Variants in ATG13 observed in about 807,000 individuals in gnomAD.
The protein encoded by ATG13 is autophagy-related protein 13.
Under a neutral mutation model 65.5 loss-of-function variants are expected in ATG13, and 23 were observed. The observed-to-expected ratio is 0.35, with a 90% CI of 0.25 to 0.50. ATG13 has a LOEUF of 0.50. ATG13 is among the 20% of genes least tolerant of loss of function. The pLI is 0.98. For synonymous variants in ATG13, 252 were observed against 245.2 expected, an observed-to-expected ratio of 1.03 and a Z score of -0.26; for missense variants, 566 against 677.0, an observed-to-expected ratio of 0.84 and a Z score of 1.82.
At chr11:46,661,682 A>G (rs895910386) in intron 11 of ATG13, among the ~76,000 whole-genome samples, 3 of 151,650 alleles carry the variant, frequency 2.0e-5, no homozygotes, top group African/African-American at 7.3e-5. Context: ...AAATAAAAAA[A>G]TTAGCGGGTG....
chr11:46,648,967 A>C lies in ATG13; in HGVS notation c.271-170A>C, dbSNP rs1026758816. On this transcript the variant is annotated intron_variant, in intron 5 of 18. Transcript: ENST00000683050. ...AGAAAAAACAAGTCATCAAAATAGCATATAGACTGTGATTGCCCTTTTATT... is the reference window on the plus strand; with the variant it reads ...AGAAAAAACAAGTCATCAAAATAGCCTATAGACTGTGATTGCCCTTTTATT... The C allele has an allele frequency of 5.9e-6, 3 of 504,206 alleles. No homozygotes were observed. The Admixed American group carries it at 1.1e-4, about 19-fold the overall frequency. 31.2% of individuals were successfully genotyped at this position (504,206 alleles called of 1,614,324 possible).
Position 46,645,878 on chromosome 11 carries a change from A to C in ATG13, c.159A>C (p.Leu53Phe). The change falls in exon 5 of 19, where the codon TTA becomes TTC. Residue 53 changes from leucine (L) to phenylalanine (F), a missense_variant. Physicochemically the swap from Leu to Phe is conservative, Grantham distance 22. Coordinates refer to ENST00000683050, the MANE Select transcript of ATG13 (RefSeq NM_001346311.2). ...TCCCTTTTGTTTTCCAGTTCAACTT[A>C]GCAATCAAAGACATCCCAGAGGTTA... Reference protein sequence around the residue: ...SSPTGSDWFNLAIKDIPEVTH... With the variant: ...SSPTGSDWFNFAIKDIPEVTH... The C allele has an allele frequency of 6.2e-7, 1 of 1,614,100 alleles. No individual in the cohort carries two copies. The highest frequency in any genetic ancestry group is 8.5e-7 in the Non-Finnish European group (1 of 1,179,974).
At chr11:46,650,894 G>C (rs2058756700) in intron 7 of ATG13, among the ~76,000 whole-genome samples, 1 of 152,138 alleles carries the variant, frequency 6.6e-6, no homozygotes, top group African/African-American at 2.4e-5. Context: ...GTGAGCCACG[G>C]CACCCGGCCT....
chr11:46,642,392 G>T (rs936398063), intron 2 of ATG13, among the ~76,000 whole-genome samples: 1 of 136,464 alleles, frequency 7.3e-6, no homozygotes, highest in Non-Finnish European at 1.5e-5. Context: ...TGCAACCTCT[G>T]CCTTCTGGGT....
At chr11:46,645,237 T>G (rs2057218089) in intron 3 of ATG13, 102 bp from the exon 4 acceptor site, 1 of 963,778 alleles carries the variant, frequency 1.0e-6, no homozygotes, top group South Asian at 1.6e-5. Flanking sequence ...ATTGGCATCT[T>G]TTAAACTCTG....
chr11:46,672,268 A>C lies in ATG13; in HGVS notation c.1589A>C (p.Glu530Ala). 1 of 1,614,230 alleles carries C rather than the reference A, an allele frequency of 6.2e-7. No homozygotes were observed. ...TTTCCGGTACAGGACTCATTACCAGAGAAGCTGGCTGTGCATGAGAAGAAT... is the reference window on the plus strand; with the variant it reads ...TTTCCGGTACAGGACTCATTACCAGCGAAGCTGGCTGTGCATGAGAAGAAT... ...SMAEDLDSLPEKLAVHEKNVR... is the reference protein window; with the variant it reads ...SMAEDLDSLPAKLAVHEKNVR... The change falls in exon 19 of 19, where the codon GAG (glutamate) becomes GCG (alanine). Residue 530 changes from glutamate (E) to alanine (A), a missense_variant. Glu to Ala is a moderately radical substitution (Grantham distance 107). Transcript: ENST00000683050.
intron 18 of ATG13, among the ~76,000 whole-genome samples, chr11:46,671,031 T>C (rs1201845020): frequency 6.6e-6 from 1 of 152,132 alleles, no homozygotes; most frequent in Non-Finnish European, 1.5e-5. Flanking sequence ...AATTTAGCCT[T>C]TTAACCACTA....
At position 46,644,160 on chromosome 11, in the gene ATG13, T is replaced by C. The variant is rs2056915949; in HGVS notation, c.-13-119T>C. The C allele has an allele frequency of 4.5e-6, 3 of 671,398 alleles. No homozygotes were observed. The African/African-American group carries it at 5.6e-5, about 12-fold the overall frequency. The allele number at this position is 671,398 out of a possible 1,614,324, so 41.6% of individuals were successfully genotyped here. ...GTATCTTTAGTTAAAGGAAATTTTT[T>C]TCCTCCCACTCCCACATGATTATTC... On this transcript the variant is annotated intron_variant, in intron 2 of 18. Transcript: ENST00000683050.
At chr11:46,623,707 C>T (rs532490118) in intron 1 of ATG13, among the ~76,000 whole-genome samples, 1 of 152,092 alleles carries the variant, frequency 6.6e-6, no homozygotes, top group Admixed American at 6.6e-5. Context: ...GGATTACAGG[C>T]CTGAGCCACC....
At chr11:46,663,778 A>G (rs1055541584) in intron 11 of ATG13, among the ~76,000 whole-genome samples, 4 of 152,144 alleles carry the variant, frequency 2.6e-5, no homozygotes, top group African/African-American at 7.2e-5. Context: ...ACAGGCATAC[A>G]TGGAATGCCC....
intron 13 of ATG13, among the ~76,000 whole-genome samples, 178 bp from the exon 14 acceptor site, chr11:46,665,205 C>T (rs2062030340): frequency 6.6e-6 from 1 of 152,170 alleles, no homozygotes. Flanking sequence ...TAGTCATTAC[C>T]GTGCATTTCT....
Position 46,656,284 on chromosome 11 carries a change from A to G in ATG13, c.499+11A>G, listed in dbSNP as rs2060029685. On this transcript the variant is annotated intron_variant, in intron 8 of 18. Coordinates refer to ENST00000683050, the MANE Select transcript of ATG13 (RefSeq NM_001346311.2). ...GTGGCTTAGGAGAAGGTATGTATCA[A>G]CGGTTGAAAAACATCGTAGTGTTCA... The G allele has an allele frequency of 5.0e-6, 8 of 1,609,258 alleles. No individual in the cohort carries two copies. Among genetic ancestry groups the G allele is most frequent in the Admixed American group, 1.7e-5 (1 of 59,996 alleles).
intron 5 of ATG13, 105 bp from the exon 6 acceptor site, chr11:46,649,029 ATTC>A: frequency 1.0e-5 from 9 of 887,534 alleles, no homozygotes; most frequent in Non-Finnish European, 1.3e-5. Flanking sequence ...GTTGATATCT[ATTC>A]TTTTTTTTTT....
intron 7 of ATG13, among the ~76,000 whole-genome samples, chr11:46,653,794 C>T (rs979112761): frequency 6.6e-6 from 1 of 151,960 alleles, no homozygotes; most frequent in African/African-American, 2.4e-5. Flanking sequence ...TGGTCTCGAT[C>T]TCCTGACCTC....
intron 14 of ATG13, among the ~76,000 whole-genome samples, chr11:46,666,905 T>G (rs1415603014): frequency 6.6e-6 from 1 of 152,120 alleles, no homozygotes; most frequent in Non-Finnish European, 1.5e-5. Flanking sequence ...AGGAGTCATT[T>G]AGGAAGGTTT....
At chr11:46,621,326 A>G (rs2047437071) in intron 1 of ATG13, among the ~76,000 whole-genome samples, 1 of 152,096 alleles carries the variant, frequency 6.6e-6, no homozygotes, top group Non-Finnish European at 1.5e-5. Context: ...TTTGTTTATT[A>G]TTTTGAGTTG....
intron 1 of ATG13, chr11:46,621,068 G>A (rs1051094147): frequency 6.6e-6 from 1 of 151,766 alleles, no homozygotes; most frequent in East Asian, 1.9e-4. Flanking sequence ...AGGCTGGAGT[G>A]TAGTGGTGTG....
chr11:46,643,695 GTCC>G (rs1345858398), intron 2 of ATG13, among the ~76,000 whole-genome samples: 2 of 150,466 alleles, frequency 1.3e-5, no homozygotes, highest in East Asian at 2.0e-4. Context: ...GGCTCAAGCA[GTCC>G]TCCTGCCTTG....
rs988951546 is a variant in ATG13, at chr11:46,663,973, G to A, written c.790-24G>A. ...TTTTTTTTTTTTTTTTGTTTCTCCT[G>A]TCTCTGTGTGTGTCTGTGCACAGTG... On this transcript the variant is annotated intron_variant, in intron 11 of 18. Transcript: ENST00000683050. 7.0e-6 allele frequency: 4 copies of A among 571,166 alleles called. No individual in the cohort carries two copies. In the African/African-American group the frequency reaches 8.0e-5, roughly 11 times the overall value. The allele number at this position is 571,166 out of a possible 1,614,324, so 35.4% of individuals were successfully genotyped here.
Sources: allele counts gnomAD v4.1 joint callset (sites outside exome capture counted in the v4.1 genomes callset), GRCh38; gene constraint gnomAD v4.1.1; transcripts MANE v1.5; gene names NCBI Gene and HGNC (gene_info 2026-07-23, HGNC 2026-07-21).